Variants in LPP observed in about 807,000 individuals in gnomAD.
LPP encodes the protein LIM domain containing preferred translocation partner in lipoma.
A neutral mutation model predicts 60.4 loss-of-function variants in LPP; 38 were observed. That is an observed-to-expected ratio of 0.63 (90% CI 0.49 to 0.83). The LOEUF (loss-of-function observed/expected upper bound fraction) is 0.83, where lower values mean the gene tolerates loss of function less well. Ranked by LOEUF, LPP falls within the 40% of genes least tolerant of loss-of-function variation. The pLI is 0.00. For missense variants in LPP, 902 were observed against 783.6 expected, an observed-to-expected ratio of 1.15 and a Z score of -1.80; for synonymous variants, 328 against 290.8, an observed-to-expected ratio of 1.13 and a Z score of -1.30.
At chr3:188,299,858 A>C (rs1749169347) in intron 2 of LPP, among the ~76,000 whole-genome samples, 1 of 152,186 alleles carries the variant, frequency 6.6e-6, no homozygotes, top group South Asian at 2.1e-4. Flanking sequence ...TCGAGTTATG[A>C]GCTTCACCGC....
intron 2 of LPP, among the ~76,000 whole-genome samples, chr3:188,250,810 CTTTCTTTCTTTCTT>C (rs1289615436): frequency 3.4e-4 from 34 of 99,448 alleles, no homozygotes; most frequent in Non-Finnish European, 6.3e-4. Flanking sequence ...CTTTCTTTCT[CTTTCTTTCTTTCTT>C]TTTCTTTCTT....
At position 188,708,337 on chromosome 3, in the gene LPP, A is replaced by G; in HGVS notation, c.1184A>G (p.His395Arg). ...PSFRPEDELE[H>R]LTKKMLYDME... ...TTCCGCCCAGAGGATGAGCTTGAGC[A>G]CCTGACCAAAAAGATGCTGTATGAC... Residue 395 changes from histidine to arginine, a missense_variant, in exon 8 of 12, where the codon CAC becomes CGC. Coordinates refer to ENST00000617246, the MANE Select transcript of LPP (RefSeq NM_001375462.1). 1 of 1,614,192 alleles carries G rather than the reference A, an allele frequency of 6.2e-7. No homozygotes were observed. The highest frequency in any genetic ancestry group is 8.5e-7 in the Non-Finnish European group (1 of 1,180,014).
Position 188,634,297 on chromosome 3 carries a change from C to A in LPP, c.1113+24453C>A, listed in dbSNP as rs544937382. The stretch of plus-strand genomic sequence containing the variant: ...ATTTGCTCTGCAGACATTTATTGAT[C>A]ACTTACTGTGTGCCAGGCCCTGTGA... On this transcript the variant is annotated intron_variant, in intron 7 of 11. Coordinates refer to ENST00000617246, the MANE Select transcript of LPP (RefSeq NM_001375462.1). Among the ~76,000 whole-genome samples the A allele has an allele frequency of 1.6e-4, 25 of 152,278 alleles. No individual in the cohort carries two copies. In the South Asian group the frequency reaches 4.1e-3, roughly 25 times the overall value.
At chr3:188,332,736 A>G (rs1302974834) in intron 2 of LPP, among the ~76,000 whole-genome samples, 1 of 152,196 alleles carries the variant, frequency 6.6e-6, no homozygotes, top group Non-Finnish European at 1.5e-5. Flanking sequence ...TTCATCGAAC[A>G]TTTTTGCATT....
intron 2 of LPP, among the ~76,000 whole-genome samples, chr3:188,265,002 G>A (rs945735055): frequency 2.6e-5 from 4 of 152,094 alleles, no homozygotes; most frequent in Non-Finnish European, 5.9e-5. Context: ...GAAGCCTTCT[G>A]CTCGCGTCAC....
At chr3:188,653,780 CT>C (rs1315026479) in intron 7 of LPP, among the ~76,000 whole-genome samples, 1 of 152,006 alleles carries the variant, frequency 6.6e-6, no homozygotes, top group African/African-American at 2.4e-5. Flanking sequence ...CTTTTTATCT[CT>C]TTGTTTATTA....
intron 8 of LPP, among the ~76,000 whole-genome samples, chr3:188,744,323 G>A (rs1463111514): frequency 6.6e-6 from 1 of 152,128 alleles, no homozygotes; most frequent in Non-Finnish European, 1.5e-5. Flanking sequence ...TGGGAATGCG[G>A]AAGCTGTTTC....
intron 6 of LPP, among the ~76,000 whole-genome samples, chr3:188,566,678 A>G (rs1832250875): frequency 6.6e-6 from 1 of 151,842 alleles, no homozygotes; most frequent in South Asian, 2.1e-4. Context: ...CATATACGAG[A>G]AGCTAACAAT....
At position 188,569,881 on chromosome 3, in the gene LPP, A is replaced by G. The variant is rs190486234; in HGVS notation, c.430-39280A>G. Among the ~76,000 whole-genome samples the G allele has an allele frequency of 1.5e-3, 234 of 152,190 alleles. 1 individual carries two copies. The highest frequency in any genetic ancestry group is 5.5e-3 in the African/African-American group (227 of 41,568). The stretch of plus-strand genomic sequence containing the variant: ...TGATTTGTAATTTATTTACAGAGTC[A>G]TGCAATCATTACCTCAATTTAATTT... On this transcript the variant is annotated intron_variant, in intron 6 of 11. Transcript: ENST00000617246.
chr3:188,299,208 G>A (rs923777473), intron 2 of LPP, among the ~76,000 whole-genome samples: 1 of 152,182 alleles, frequency 6.6e-6, no homozygotes, highest in African/African-American at 2.4e-5. Flanking sequence ...GCTGCGTGGA[G>A]ACTGTGTTCT....
chr3:188,286,068 A>G (rs960446706), intron 2 of LPP, among the ~76,000 whole-genome samples: 1 of 152,166 alleles, frequency 6.6e-6, no homozygotes, highest in African/African-American at 2.4e-5. Flanking sequence ...TATAGAGGGA[A>G]GTGACTTTCC....
In LPP at chr3:188,356,344, G is replaced by A. The variant is rs139114387; in HGVS notation, c.-10+14625G>A. 2.9e-4 allele frequency among the ~76,000 whole-genome samples: 44 copies of A among 152,202 alleles called. No individual in the cohort carries two copies. In the East Asian group the frequency reaches 8.1e-3, roughly 28 times the overall value. Reference sequence around the variant, plus strand: ...GATCACACTTAATCTCTGTGCCTCCGTGTCTTCTGGAGAAAATTTAAGGGT... The same window carrying A: ...GATCACACTTAATCTCTGTGCCTCCATGTCTTCTGGAGAAAATTTAAGGGT... On this transcript the variant is annotated intron_variant, in intron 3 of 11. Coordinates refer to ENST00000617246, the MANE Select transcript of LPP (RefSeq NM_001375462.1).
At chr3:188,693,903 G>T (rs1180807528) in intron 7 of LPP, among the ~76,000 whole-genome samples, 1 of 152,152 alleles carries the variant, frequency 6.6e-6, no homozygotes, top group Admixed American at 6.5e-5. Context: ...TATTGAATTA[G>T]ACCTTCCTTC....
At chr3:188,661,370 C>T (rs1195968699) in intron 7 of LPP, among the ~76,000 whole-genome samples, 3 of 152,082 alleles carry the variant, frequency 2.0e-5, no homozygotes, top group Non-Finnish European at 2.9e-5. Context: ...ATGTGATTGC[C>T]GGATCGTATG....
intron 9 of LPP, among the ~76,000 whole-genome samples, chr3:188,861,174 T>C (rs995127990): frequency 6.6e-6 from 1 of 152,192 alleles, no homozygotes; most frequent in African/African-American, 2.4e-5. Flanking sequence ...TATGGGTGAA[T>C]GGCCAAGTAA....
intron 5 of LPP, among the ~76,000 whole-genome samples, chr3:188,496,981 C>G (rs1014551727): frequency 1.6e-4 from 24 of 146,838 alleles, no homozygotes; most frequent in African/African-American, 6.2e-4. Context: ...TTAAATTTTG[C>G]CAACTAGTGG....
chr3:188,867,219 C>T (rs1766873909), intron 10 of LPP, among the ~76,000 whole-genome samples: 1 of 148,642 alleles, frequency 6.7e-6, no homozygotes, highest in African/African-American at 2.5e-5. Flanking sequence ...TTTATTTGAC[C>T]AGTTTGTTAC....
intron 2 of LPP, among the ~76,000 whole-genome samples, chr3:188,320,415 G>A (rs992331771): frequency 3.9e-5 from 6 of 152,222 alleles, no homozygotes; most frequent in African/African-American, 1.4e-4. Flanking sequence ...CCTCAGTGGT[G>A]AGCTCAGTCA....
rs1725197443 is a variant in LPP, at chr3:188,182,151, CA to C, written c.-190+27902del. On this transcript the variant is annotated intron_variant, in intron 1 of 11. Transcript: ENST00000617246. The surrounding 1 kb of genome is among the most constrained non-coding windows in gnomAD (Gnocchi z 4.4). ...TGAGTGGTGCTTAATAGATGCTCAGCAAATCTGTGTGGAACGATTGCCTTAG... is the reference window on the plus strand; with the variant it reads ...TGAGTGGTGCTTAATAGATGCTCAGCAATCTGTGTGGAACGATTGCCTTAG... Among the ~76,000 whole-genome samples, 1 of 152,216 alleles carries C rather than the reference CA, an allele frequency of 6.6e-6. No homozygotes were observed.
Sources: gnomAD v4.1 joint callset for allele counts (sites outside exome capture counted in the v4.1 genomes callset) on GRCh38, gnomAD v4.1.1 for gene constraint, Gnocchi (gnomAD v3.1) non-coding constraint, MANE v1.5 for transcripts, NCBI Gene and HGNC (gene_info 2026-07-23, HGNC 2026-07-21) for gene names.